Variants in DDX60L observed in about 807,000 individuals in gnomAD.
DDX60L encodes probable ATP-dependent RNA helicase DDX60-like.
Under a neutral mutation model 211.6 loss-of-function variants are expected in DDX60L, and 191 were observed. That is an observed-to-expected ratio of 0.90 (90% CI 0.80 to 1.02). The LOEUF (loss-of-function observed/expected upper bound fraction) is 1.02, where lower values mean the gene tolerates loss of function less well. Among genes scored for constraint, DDX60L ranks in the 50% least tolerant of loss-of-function variants. DDX60L has a pLI of 0.00. For missense variants in DDX60L, 2,007 were observed against 1,984.1 expected (o/e 1.01, Z -0.22); for synonymous variants, 706 against 694.1 (o/e 1.02, Z -0.27).
chr4:168,364,333 G>A (rs1739600552), intron 36 of DDX60L, among the ~76,000 whole-genome samples: 1 of 152,048 alleles, frequency 6.6e-6, no homozygotes, highest in South Asian at 2.1e-4. Context: ...TAATGATAAA[G>A]GAATCAATTC....
intron 5 of DDX60L, among the ~76,000 whole-genome samples, chr4:168,458,621 G>T (rs1756901241): frequency 6.6e-6 from 1 of 152,100 alleles, no homozygotes; most frequent in Admixed American, 6.6e-5. Context: ...CATGGACACA[G>T]GGAAAGGAAC....
At chr4:168,418,879 A>G (rs1182315062) in intron 19 of DDX60L, among the ~76,000 whole-genome samples, 1 of 152,224 alleles carries the variant, frequency 6.6e-6, no homozygotes, top group African/African-American at 2.4e-5. Context: ...AGGAGAGAAG[A>G]CAGTGAGGTC....
At chr4:168,419,825 T>C (rs1440142329) in intron 18 of DDX60L, among the ~76,000 whole-genome samples, 2 of 152,250 alleles carry the variant, frequency 1.3e-5, no homozygotes, top group Admixed American at 1.3e-4. Context: ...TTGGGTTTGT[T>C]AAATCTACTT....
At chr4:168,457,291 CAT>C (rs767661337) in intron 6 of DDX60L, among the ~76,000 whole-genome samples, 135 of 148,666 alleles carry the variant, frequency 9.1e-4, no homozygotes, top group Admixed American at 1.8e-3. Context: ...CACACACACA[CAT>C]ACACACACAC....
At chr4:168,457,573 G>A (rs1394648060) in intron 6 of DDX60L, among the ~76,000 whole-genome samples, 1 of 152,024 alleles carries the variant, frequency 6.6e-6, no homozygotes, top group Non-Finnish European at 1.5e-5. Flanking sequence ...CTGTTTATAT[G>A]GCAAATGATA....
At chr4:168,454,094 C>A (rs532398606) in intron 7 of DDX60L, among the ~76,000 whole-genome samples, 1 of 152,246 alleles carries the variant, frequency 6.6e-6, no homozygotes, top group Admixed American at 6.5e-5. Flanking sequence ...CACACTCCCA[C>A]CCACGGCACA....
At chr4:168,421,069 T>A (rs1454647939) in intron 17 of DDX60L, among the ~76,000 whole-genome samples, 1 of 152,164 alleles carries the variant, frequency 6.6e-6, no homozygotes. Context: ...GGAAGTCATA[T>A]ATACCTGGCT....
At chr4:168,479,478 C>T (rs911947212) in intron 1 of DDX60L, among the ~76,000 whole-genome samples, 5 of 152,072 alleles carry the variant, frequency 3.3e-5, no homozygotes, top group African/African-American at 1.2e-4. Flanking sequence ...TGGTTCTGAC[C>T]GCTTTTTCTA....
chr4:168,453,484 A>G (rs749340194), intron 7 of DDX60L, among the ~76,000 whole-genome samples: 3 of 152,182 alleles, frequency 2.0e-5, no homozygotes, highest in Non-Finnish European at 2.9e-5. Context: ...AGTTCACATA[A>G]TGCATTTCTT....
chr4:168,422,791 T>G, intron 15 of DDX60L, 121 bp from the exon 16 acceptor site: 1 of 781,048 alleles, frequency 1.3e-6, no homozygotes, highest in South Asian at 2.0e-5. Flanking sequence ...TTTTTATTTT[T>G]TTGAGACAGG....
intron 13 of DDX60L, among the ~76,000 whole-genome samples, chr4:168,430,264 C>T (rs1752140031): frequency 6.6e-6 from 1 of 152,158 alleles, no homozygotes; most frequent in African/African-American, 2.4e-5. Flanking sequence ...ACCACAGTTT[C>T]TGTACAGCCT....
At chr4:168,467,913 T>C (rs1038120111) in intron 4 of DDX60L, among the ~76,000 whole-genome samples, 10 of 152,194 alleles carry the variant, frequency 6.6e-5, no homozygotes, top group African/African-American at 2.4e-4. Context: ...ATGCCTGTAA[T>C]CTCAGCACTT....
chr4:168,441,075 G>A (rs746539002), intron 10 of DDX60L, among the ~76,000 whole-genome samples: 1 of 152,128 alleles, frequency 6.6e-6, no homozygotes, highest in South Asian at 2.1e-4. Flanking sequence ...TTCTCTTGAG[G>A]TGCTGGAAAT....
intron 37 of DDX60L, among the ~76,000 whole-genome samples, chr4:168,358,753 C>G (rs370320661): frequency 6.6e-6 from 1 of 151,870 alleles, no homozygotes; most frequent in South Asian, 2.1e-4. Flanking sequence ...CTCCTGACCT[C>G]GTGATCCACC....
intron 18 of DDX60L, 57 bp from the exon 19 acceptor site, chr4:168,419,454 G>C: frequency 3.1e-6 from 4 of 1,305,822 alleles, no homozygotes; most frequent in Middle Eastern, 1.9e-4. Context: ...TTTATATCAG[G>C]CATAGTAATA....
chr4:168,372,547 GA>G (rs34698181), intron 35 of DDX60L, among the ~76,000 whole-genome samples: 107,176 of 151,544 alleles, frequency 0.71, 38,763 homozygotes, highest in East Asian at 0.84. Flanking sequence ...GCAATATGCT[GA>G]AAACCCATCT....
Position 168,453,188 on chromosome 4 carries a change from T to C in DDX60L, c.932A>G (p.Gln311Arg), listed in dbSNP as rs538889898. 3 of 1,613,426 alleles carry C rather than the reference T, an allele frequency of 1.9e-6. No individual in the cohort carries two copies. The African/African-American group carries it at 4.0e-5, about 22-fold the overall frequency. ...TGTGATGACTCGAGAACAAGCTCTC[T>C]GAGAAAGGGGTAAGTGGAGTTGAAA... ...VAFQLHLPLS[Q>R]RACSRVITCS... Residue 311 changes from glutamine to arginine, a missense_variant, in exon 8 of 38, where the codon CAG becomes CGG. Transcript: ENST00000682922.
intron 4 of DDX60L, among the ~76,000 whole-genome samples, chr4:168,462,616 CA>C (rs1288963812): frequency 6.6e-6 from 1 of 152,112 alleles, no homozygotes; most frequent in Non-Finnish European, 1.5e-5. Flanking sequence ...AGGACGAGAC[CA>C]GTCTGGCCAA....
rs532283137 is a variant in DDX60L at position 168,464,108 on chromosome 4, T to C, written c.265-2068A>G. 7.4e-4 allele frequency among the ~76,000 whole-genome samples: 113 copies of C among 152,296 alleles called. 1 individual carries two copies. Among genetic ancestry groups the C allele is most frequent in the Non-Finnish European group, 1.1e-3 (76 of 68,022 alleles). ...TCCTCCTACCTCATGTTCCTAGGTG[T>C]CCTTAAAATAAGTATCTATTGTTGC... is the stretch of plus-strand genomic sequence containing the variant. On this transcript the variant is annotated intron_variant, in intron 4 of 37. Transcript: ENST00000682922.
Sources: gnomAD v4.1 joint callset for allele counts (sites outside exome capture counted in the v4.1 genomes callset) on GRCh38, gnomAD v4.1.1 for gene constraint, MANE v1.5 for transcripts, NCBI Gene and HGNC (gene_info 2026-07-23, HGNC 2026-07-21) for gene names.